Variants in ZFHX3 observed in about 807,000 individuals in gnomAD.
The protein encoded by ZFHX3 is zinc finger homeobox 3.
ZFHX3 carries 42 observed loss-of-function variants against 279.1 expected under a neutral mutation model. The observed-to-expected ratio is 0.15, with a 90% confidence interval of 0.12 to 0.19. The LOEUF (loss-of-function observed/expected upper bound fraction) is 0.19, where lower values mean the gene tolerates loss of function less well. ZFHX3 is among the 10% of genes least tolerant of loss of function. ZFHX3 has a pLI of 1.00. For synonymous variants in ZFHX3, 2,293 were observed against 1,957.8 expected (o/e 1.17, Z -4.52); for missense variants, 4,981 against 4,754.0 (o/e 1.05, Z -1.40).
At chr16:72,941,256 C>A (rs1373819967) in intron 3 of ZFHX3, among the ~76,000 whole-genome samples, 1 of 152,200 alleles carries the variant, frequency 6.6e-6, no homozygotes, top group Non-Finnish European at 1.5e-5. Flanking sequence ...ACTTAACACA[C>A]AAAATGTGAA....
chr16:73,428,362 C>T (rs964950141), intron 3 of ZFHX3, among the ~76,000 whole-genome samples: 4 of 152,138 alleles, frequency 2.6e-5, no homozygotes, highest in African/African-American at 9.7e-5. Flanking sequence ...GTGAGCTTCC[C>T]ATTCTGGCAG....
intron 2 of ZFHX3, among the ~76,000 whole-genome samples, chr16:73,566,688 C>CTTTT (rs35009584): frequency 2.5e-5 from 3 of 119,992 alleles, no homozygotes; most frequent in Non-Finnish European, 3.3e-5. Flanking sequence ...ACCAAGCTAA[C>CTTTT]TTTTTTTTTT....
At chr16:73,734,306 G>A (rs2053592065) in intron 1 of ZFHX3, among the ~76,000 whole-genome samples, 2 of 152,084 alleles carry the variant, frequency 1.3e-5, no homozygotes, top group African/African-American at 4.8e-5. Flanking sequence ...ATATTCTGAT[G>A]GAGCTACTCT....
intron 2 of ZFHX3, among the ~76,000 whole-genome samples, chr16:73,536,277 T>A (rs2019900278): frequency 6.6e-6 from 1 of 152,122 alleles, no homozygotes; most frequent in Admixed American, 6.5e-5. Context: ...AAAGTTTATA[T>A]CAGAAAAAAT....
At chr16:73,029,525 T>A (rs1964621187) in intron 1 of ZFHX3, among the ~76,000 whole-genome samples, 1 of 152,232 alleles carries the variant, frequency 6.6e-6, no homozygotes, top group Non-Finnish European at 1.5e-5. Flanking sequence ...AAGAAGTGTG[T>A]GTTGGACGAC....
At chr16:73,545,943 C>A in intron 2 of ZFHX3, among the ~76,000 whole-genome samples, 1 of 152,262 alleles carries the variant, frequency 6.6e-6, no homozygotes, top group East Asian at 1.9e-4. Context: ...CACAGCTCAG[C>A]CTAAACAATG....
intron 1 of ZFHX3, among the ~76,000 whole-genome samples, chr16:73,011,399 T>C (rs1020942604): frequency 2.0e-5 from 3 of 152,014 alleles, no homozygotes; most frequent in African/African-American, 7.2e-5. Flanking sequence ...CCCAAAGCAC[T>C]AGGATTACAG....
intron 5 of ZFHX3, chr16:73,256,998 G>T (rs1158546521): frequency 6.6e-6 from 1 of 152,026 alleles, no homozygotes; most frequent in Non-Finnish European, 1.5e-5. Flanking sequence ...CTTCAGTGTT[G>T]CCAAAACAAA....
At chr16:73,552,169 G>T (rs2020212708) in intron 2 of ZFHX3, among the ~76,000 whole-genome samples, 1 of 152,010 alleles carries the variant, frequency 6.6e-6, no homozygotes, top group South Asian at 2.1e-4. Flanking sequence ...ATTTAAAATG[G>T]GGCAATCTTG....
intron 7 of ZFHX3, among the ~76,000 whole-genome samples, chr16:73,111,629 G>A (rs1012619124): frequency 2.2e-4 from 29 of 132,688 alleles, no homozygotes; most frequent in Non-Finnish European, 3.3e-5. Context: ...AAGAGAGAGA[G>A]AAAGAAGAGA....
chr16:73,000,796 G>A (rs555719124), intron 1 of ZFHX3, among the ~76,000 whole-genome samples: 3 of 152,268 alleles, frequency 2.0e-5, no homozygotes, highest in Non-Finnish European at 2.9e-5. Flanking sequence ...CTTCCTCCAC[G>A]TTCGACACAC....
Position 73,043,592 on chromosome 16 carries a change from C to A in ZFHX3, c.-50+4160G>T, listed in dbSNP as rs758774432. Among the ~76,000 whole-genome samples the A allele has an allele frequency of 2.0e-5, 3 of 152,184 alleles. No individual in the cohort carries two copies. In the South Asian group the frequency reaches 6.2e-4, roughly 32 times the overall value. On this transcript the variant is annotated intron_variant, in intron 1 of 9. Transcript: ENST00000268489. ...TTGGGCAAATAACTCTCTAGAGACA[C>A]CCCCATCACTGCCTAGACCACGGCC...
chr16:73,133,999 G>C (rs1383165100), intron 6 of ZFHX3, among the ~76,000 whole-genome samples: 1 of 152,140 alleles, frequency 6.6e-6, no homozygotes, highest in East Asian at 1.9e-4. Flanking sequence ...GCCAAATACT[G>C]TTCCAAGTGC....
intron 1 of ZFHX3, among the ~76,000 whole-genome samples, chr16:73,046,526 C>A (rs1159335841): frequency 1.3e-5 from 2 of 152,078 alleles, no homozygotes; most frequent in Non-Finnish European, 2.9e-5. Context: ...GAAACCACAG[C>A]CATTAACTGA....
intron 3 of ZFHX3, among the ~76,000 whole-genome samples, chr16:73,373,665 A>C (rs563381269): frequency 3.6e-4 from 55 of 152,206 alleles, no homozygotes; most frequent in Non-Finnish European, 6.3e-4. Flanking sequence ...CAAAGAATAA[A>C]ATGAGGCGGT....
At chr16:72,789,369 C>T (rs1487645084) in intron 9 of ZFHX3, 1 of 152,732 alleles carries the variant, frequency 6.5e-6, no homozygotes, top group East Asian at 1.9e-4. Context: ...TTCACTCTGC[C>T]CAACTGCAAT....
At chr16:73,824,217 T>G (rs1355578281) in intron 1 of ZFHX3, among the ~76,000 whole-genome samples, 2 of 152,166 alleles carry the variant, frequency 1.3e-5, no homozygotes, top group Admixed American at 6.5e-5. Context: ...TGTCTCAAAT[T>G]TATTTGATCA....
At chr16:73,181,288 A>G (rs902984995) in intron 5 of ZFHX3, among the ~76,000 whole-genome samples, 3 of 151,920 alleles carry the variant, frequency 2.0e-5, no homozygotes, top group Non-Finnish European at 1.5e-5. Context: ...TTTAGTAGAG[A>G]TAAGGTTTCT....
In ZFHX3 at chr16:73,729,458, G is replaced by A. The variant is rs570586272; in HGVS notation, c.-1607-49218C>T. ...TCTGGAGAATCGCTTGAACCTGGGC[G>A]GCAGAGGCTGTAGTGAGCCGAGATT... is the stretch of plus-strand genomic sequence containing the variant. On this transcript the variant is annotated intron_variant, in intron 1 of 17. Transcript: ENST00000641206. Among the ~76,000 whole-genome samples, 78 of 152,214 alleles carry A rather than the reference G, an allele frequency of 5.1e-4. 1 individual carries two copies. In the South Asian group the frequency reaches 0.011, roughly 22 times the overall value.
Sources: gnomAD v4.1 joint callset for allele counts (sites outside exome capture counted in the v4.1 genomes callset) on GRCh38, gnomAD v4.1.1 for gene constraint, MANE v1.5 for transcripts, NCBI Gene and HGNC (gene_info 2026-07-23, HGNC 2026-07-21) for gene names.